The following ITPR1 variants were observed in gnomAD, a reference collection of about 807,000 sequenced individuals.
The protein encoded by ITPR1 is inositol 1,4,5-trisphosphate-gated calcium channel ITPR1.
ITPR1 carries 96 observed loss-of-function variants against 318.4 expected under a neutral mutation model. That is an observed-to-expected ratio of 0.30 (90% CI 0.26 to 0.36). The LOEUF (loss-of-function observed/expected upper bound fraction) is 0.36. Ranked by LOEUF, ITPR1 falls within the 10% of genes least tolerant of loss-of-function variation. The pLI is 1.00. For synonymous variants in ITPR1, 1,312 were observed against 1,289.9 expected (o/e 1.02, Z -0.37); for missense variants, 2,440 against 3,460.2 (o/e 0.71, Z 7.40).
At chr3:4,598,547 G>A (rs147600536) in intron 4 of ITPR1, among the ~76,000 whole-genome samples, 172 of 152,220 alleles carry the variant, frequency 1.1e-3, no homozygotes, top group Non-Finnish European at 1.8e-3. Context: ...GCTTGAGCTC[G>A]GGAGGTTGAG....
At chr3:4,696,673 G>GTTTTTTTT (rs10546052) in intron 33 of ITPR1, among the ~76,000 whole-genome samples, 2 of 117,210 alleles carry the variant, frequency 1.7e-5, no homozygotes, top group Admixed American at 8.9e-5. Flanking sequence ...CTTGCCGTGT[G>GTTTTTTTT]TTTTTTTTTT....
chr3:4,505,714 G>A (rs990044724), intron 2 of ITPR1, among the ~76,000 whole-genome samples: 3 of 152,180 alleles, frequency 2.0e-5, no homozygotes, highest in African/African-American at 7.2e-5. Flanking sequence ...AAAGCTTGAC[G>A]ACTGGAGGAT....
At chr3:4,534,004 G>T (rs1457661246) in intron 4 of ITPR1, among the ~76,000 whole-genome samples, 1 of 152,274 alleles carries the variant, frequency 6.6e-6, no homozygotes, top group East Asian at 1.9e-4. Flanking sequence ...TGCCCCCAAC[G>T]TGCTCCTTGC....
intron 60 of ITPR1, among the ~76,000 whole-genome samples, chr3:4,835,679 G>C (rs2050855868): frequency 6.6e-6 from 1 of 152,142 alleles, no homozygotes. Context: ...GAATGAGTCA[G>C]TTTTCTTCCC....
rs575801334 is a variant in ITPR1, at chr3:4,786,342, A to T, written c.6616-1605A>T. The stretch of plus-strand genomic sequence containing the variant: ...TGGACAAGAATCAGTATGGTAACTA[A>T]CCTGATCTCCACATGGATTTGGGAA... On this transcript the variant is annotated intron_variant, in intron 51 of 61. Coordinates refer to ENST00000649015, the MANE Select transcript of ITPR1 (RefSeq NM_001378452.1). 5.9e-5 allele frequency among the ~76,000 whole-genome samples: 9 copies of T among 152,246 alleles called. No homozygotes were observed. In the South Asian group the frequency reaches 1.5e-3, roughly 25 times the overall value.
chr3:4,504,011 C>T (rs1264086482), intron 2 of ITPR1, among the ~76,000 whole-genome samples: 2 of 152,206 alleles, frequency 1.3e-5, no homozygotes, highest in African/African-American at 2.4e-5. Context: ...GTGTGACCTC[C>T]AAGAAATCAC....
intron 18 of ITPR1, among the ~76,000 whole-genome samples, chr3:4,668,324 A>G (rs1484020725): frequency 1.3e-5 from 2 of 149,740 alleles, no homozygotes; most frequent in African/African-American, 4.9e-5. Flanking sequence ...CATGAGTTCA[A>G]TTGTTTTGAT....
intron 44 of ITPR1, among the ~76,000 whole-genome samples, chr3:4,748,682 G>A (rs187739756): frequency 7.9e-5 from 12 of 152,254 alleles, no homozygotes; most frequent in African/African-American, 2.4e-4. Context: ...GGATACGTGT[G>A]TGAGTTGTAT....
At chr3:4,547,398 G>A (rs571775188) in intron 4 of ITPR1, among the ~76,000 whole-genome samples, 2 of 152,276 alleles carry the variant, frequency 1.3e-5, no homozygotes, top group African/African-American at 4.8e-5. Flanking sequence ...TGAAAAGACC[G>A]TTCTTCACAT....
chr3:4,527,636 C>A (rs1220924732), intron 4 of ITPR1, among the ~76,000 whole-genome samples: 3 of 152,160 alleles, frequency 2.0e-5, no homozygotes, highest in African/African-American at 7.2e-5. Context: ...GTGGAAGACC[C>A]CTGGTTCCTC....
chr3:4,773,210 C>T (rs1011108059), intron 46 of ITPR1, among the ~76,000 whole-genome samples: 1 of 152,176 alleles, frequency 6.6e-6, no homozygotes, highest in African/African-American at 2.4e-5. Flanking sequence ...TGACTTTAGA[C>T]CACATCCTGA....
intron 31 of ITPR1, among the ~76,000 whole-genome samples, chr3:4,690,603 G>A (rs2125244679): frequency 6.6e-6 from 1 of 152,206 alleles, no homozygotes; most frequent in Non-Finnish European, 1.5e-5. Flanking sequence ...AAGAAGTATG[G>A]GTTTAAGTTC....
At chr3:4,642,764 T>A (rs2093366671) in intron 7 of ITPR1, among the ~76,000 whole-genome samples, 1 of 152,168 alleles carries the variant, frequency 6.6e-6, no homozygotes. Context: ...TCCTGAGGGT[T>A]CCACAGTATA....
rs200534989 is a variant in ITPR1, at chr3:4,516,548, G to A, written c.57G>A (p.Ala19=). The A allele has an allele frequency of 3.3e-3, 5,255 of 1,604,280 alleles. 196 individuals carry two copies. In the South Asian group the frequency reaches 0.055, roughly 17 times the overall value. Residue 19 remains alanine, a synonymous_variant, in exon 3 of 62, where the codon GCG becomes GCA. Coordinates refer to ENST00000649015, the MANE Select transcript of ITPR1 (RefSeq NM_001378452.1). ...TTGGAGACATTTGTTCTCTGTACGC[G>A]GAGGGATCGACAAATGGATTTATTA... ...LHIGDICSLY[A]EGSTNGFIST...
chr3:4,781,152 C>T (rs1285444261), intron 49 of ITPR1, among the ~76,000 whole-genome samples: 1 of 152,220 alleles, frequency 6.6e-6, no homozygotes. Context: ...GTGAGGCTCT[C>T]TTGTCTCCAC....
chr3:4,626,096 C>T (rs1202070055), intron 4 of ITPR1, among the ~76,000 whole-genome samples: 1 of 151,892 alleles, frequency 6.6e-6, no homozygotes, highest in Non-Finnish European at 1.5e-5. Context: ...CTATGATTGT[C>T]TGTGAATAGC....
chr3:4,568,128 A>C (rs1559463156), intron 4 of ITPR1, among the ~76,000 whole-genome samples: 1 of 152,134 alleles, frequency 6.6e-6, no homozygotes, highest in African/African-American at 2.4e-5. Context: ...ATTTTTACAT[A>C]GTTGGGCCCT....
chr3:4,509,827 G>A (rs760555965), intron 2 of ITPR1, among the ~76,000 whole-genome samples: 1 of 152,108 alleles, frequency 6.6e-6, no homozygotes, highest in East Asian at 1.9e-4. Context: ...AACTCTTCTA[G>A]GCAGCAGATA....
At chr3:4,690,436 C>G (rs1293504115) in intron 31 of ITPR1, among the ~76,000 whole-genome samples, 1 of 152,060 alleles carries the variant, frequency 6.6e-6, no homozygotes, top group Non-Finnish European at 1.5e-5. Context: ...TAAGATGTGG[C>G]TAAAATTTAA....
Sources: allele counts gnomAD v4.1 joint callset (sites outside exome capture counted in the v4.1 genomes callset), GRCh38; gene constraint gnomAD v4.1.1; transcripts MANE v1.5; gene names NCBI Gene and HGNC (gene_info 2026-07-23, HGNC 2026-07-21).